BMPR2: variants seen among roughly 807,000 people sequenced by gnomAD.
BMPR2 encodes bone morphogenetic protein receptor type 2, also known as bone morphogenetic protein receptor type-2.
A neutral mutation model predicts 100.8 loss-of-function variants in BMPR2; 29 were observed. The ratio of observed to expected loss-of-function variants is 0.29; its 90% confidence interval spans 0.21 to 0.39. The LOEUF (loss-of-function observed/expected upper bound fraction) is 0.39, where lower values mean the gene tolerates loss of function less well. Ranked by LOEUF, BMPR2 falls within the 10% of genes least tolerant of loss-of-function variation. The pLI is 1.00. For synonymous variants in BMPR2, 382 were observed against 442.3 expected (o/e 0.86, Z 1.71); for missense variants, 1,011 against 1,274.5 (o/e 0.79, Z 3.15).
chr2:202,447,143 T>TA lies in BMPR2; in HGVS notation c.77-17661dup, dbSNP rs577630318. ...CAACATAGTGAAACCCTGTCTCTAT[T>TA]AAAAATACAAAAAAATTAGCTGGAC... On this transcript the variant is annotated intron_variant, in intron 1 of 12. Transcript: ENST00000374580. Among the ~76,000 whole-genome samples the TA allele has an allele frequency of 3.0e-3, 452 of 149,212 alleles. 39 individuals are homozygous for TA. The highest frequency in any genetic ancestry group is 0.011 in the African/African-American group (440 of 39,050).
intron 3 of BMPR2, among the ~76,000 whole-genome samples, chr2:202,491,517 G>T (rs915324534): frequency 2.6e-5 from 4 of 151,718 alleles, no homozygotes; most frequent in Non-Finnish European, 5.9e-5. Context: ...TCCGCCTCCC[G>T]GGTTCAAGCA....
intron 1 of BMPR2, among the ~76,000 whole-genome samples, chr2:202,380,408 C>T (rs917932914): frequency 1.3e-5 from 2 of 152,098 alleles, no homozygotes; most frequent in Non-Finnish European, 1.5e-5. Flanking sequence ...GTGAATATTA[C>T]TGAGTAACTG....
rs1282987905 is a variant in BMPR2 at position 202,559,993 on chromosome 2, A to C, written c.*47A>C. 1.2e-6 allele frequency: 2 copies of C among 1,611,498 alleles called. No homozygotes were observed. The highest frequency in any genetic ancestry group is 1.7e-6 in the Non-Finnish European group (2 of 1,179,378). ...TGAAATTATTTTTTGCATCATTTAA[A>C]CATGCAGAAGATGTTTAAAAATAAA... On this transcript the variant is annotated 3_prime_UTR_variant, in exon 13 of 13. Transcript: ENST00000374580.
chr2:202,445,168 G>A (rs74766638), intron 1 of BMPR2, among the ~76,000 whole-genome samples: 14,953 of 150,358 alleles, frequency 0.099, 1,089 homozygotes, highest in South Asian at 0.25. Flanking sequence ...CTATCCAGAT[G>A]CTTTTTTGTA....
chr2:202,434,847 C>G (rs1403163105), intron 1 of BMPR2, among the ~76,000 whole-genome samples: 1 of 111,954 alleles, frequency 8.9e-6, no homozygotes, highest in African/African-American at 4.0e-5. Flanking sequence ...TGGGCTCAAA[C>G]TCATGCCTGG....
At chr2:202,435,719 A>G (rs1405223878) in intron 1 of BMPR2, among the ~76,000 whole-genome samples, 3 of 150,062 alleles carry the variant, frequency 2.0e-5, no homozygotes, top group African/African-American at 5.1e-5. Context: ...CAGGTATACC[A>G]TATTTTATCT....
chr2:202,512,983 GAAAC>G (rs1687651807), intron 3 of BMPR2, among the ~76,000 whole-genome samples: 1 of 142,392 alleles, frequency 7.0e-6, no homozygotes, highest in Non-Finnish European at 1.5e-5. Context: ...TTTTTTTAAA[GAAAC>G]AGAGTCTCAC....
intron 3 of BMPR2, among the ~76,000 whole-genome samples, chr2:202,509,237 A>G (rs771141432): frequency 2.1e-4 from 32 of 152,096 alleles, no homozygotes; most frequent in Admixed American, 1.0e-3. Context: ...ATTAAGTACC[A>G]TGTATATAGT....
In BMPR2 at chr2:202,535,378, G is replaced by A. The variant is rs1484336073; in HGVS notation, c.1276+2646G>A. 1.4e-3 allele frequency among the ~76,000 whole-genome samples: 218 copies of A among 151,366 alleles called. 1 individual carries two copies. Among genetic ancestry groups the A allele is most frequent in the African/African-American group, 4.9e-3 (201 of 41,250 alleles). The stretch of plus-strand genomic sequence containing the variant: ...TCCTCACTTCTCAGACGGGGCGGCC[G>A]GGCAGAGACGCTCCTCACCTCCCAG... On this transcript the variant is annotated intron_variant, in intron 9 of 12. Transcript: ENST00000374580.
At chr2:202,557,018 A>G (rs1233687278) in intron 12 of BMPR2, among the ~76,000 whole-genome samples, 2 of 150,488 alleles carry the variant, frequency 1.3e-5, no homozygotes, top group Non-Finnish European at 3.0e-5. Context: ...GTGAAACTCC[A>G]TCTCAATAAT....
intron 1 of BMPR2, among the ~76,000 whole-genome samples, chr2:202,392,198 G>C (rs531299032): frequency 6.6e-6 from 1 of 152,010 alleles, no homozygotes; most frequent in Non-Finnish European, 1.5e-5. Flanking sequence ...TGCCTCCCAA[G>C]TAGCTGGGAT....
intron 7 of BMPR2, among the ~76,000 whole-genome samples, chr2:202,526,610 T>A (rs911907508): frequency 6.6e-6 from 1 of 152,256 alleles, no homozygotes; most frequent in African/African-American, 2.4e-5. Flanking sequence ...AATATTATAC[T>A]GCCTTTAAAA....
At position 202,376,943 on chromosome 2, in the gene BMPR2, C is replaced by T; in HGVS notation, c.-532C>T. 1 of 446,416 alleles carries T rather than the reference C, an allele frequency of 2.2e-6. No individual in the cohort carries two copies. The highest frequency in any genetic ancestry group is 3.9e-5 in the Admixed American group (1 of 25,886). 27.7% of individuals were successfully genotyped at this position (446,416 alleles called of 1,614,324 possible). A position where few individuals can be genotyped will look rare whatever the true frequency, so the allele number is the denominator to read the frequency against. ...TTTCGAAATCAGAGTGAAGGAAGCA[C>T]CGAAGCGAAACTTAAGGAATCCTGC... On this transcript the variant is annotated 5_prime_UTR_variant, in exon 1 of 13. Coordinates refer to ENST00000374580, the MANE Select transcript of BMPR2 (RefSeq NM_001204.7).
intron 1 of BMPR2, among the ~76,000 whole-genome samples, chr2:202,379,939 C>T (rs1690240629): frequency 6.6e-6 from 1 of 152,134 alleles, no homozygotes; most frequent in Non-Finnish European, 1.5e-5. Flanking sequence ...CTCACCACAA[C>T]TTCCGCCTCC....
At position 202,542,319 on chromosome 2, in the gene BMPR2, G is replaced by A. The variant is rs146957466; in HGVS notation, c.1285G>A (p.Val429Ile). The change falls in exon 10 of 13, where the codon GTA becomes ATA. Residue 429 changes from valine (V) to isoleucine (I), a missense_variant. This residue lies in a region of BMPR2 where 83 missense variants were observed against 140.7 expected (regional missense o/e 0.59). Coordinates refer to ENST00000374580, the MANE Select transcript of BMPR2 (RefSeq NM_001204.7). ...RCTDLFPGESVPEYQMAFQTE... is the reference protein window; with the variant it reads ...RCTDLFPGESIPEYQMAFQTE... ...TTTCTACAAATCCACAGGGGAATCC[G>A]TACCAGAGTACCAGATGGCTTTTCA... The A allele has an allele frequency of 6.1e-5, 99 of 1,613,740 alleles. No homozygotes were observed. Among genetic ancestry groups the A allele is most frequent in the Admixed American group, 3.8e-4 (23 of 59,984 alleles).
chr2:202,536,085 C>T (rs1026438191), intron 9 of BMPR2, among the ~76,000 whole-genome samples: 3 of 151,758 alleles, frequency 2.0e-5, no homozygotes, highest in Non-Finnish European at 2.9e-5. Flanking sequence ...AGAGGGAGAC[C>T]GTGGGGAGAG....
intron 1 of BMPR2, among the ~76,000 whole-genome samples, chr2:202,408,447 C>T (rs1690947225): frequency 6.6e-6 from 1 of 152,130 alleles, no homozygotes; most frequent in African/African-American, 2.4e-5. Flanking sequence ...TTTTCATTAT[C>T]ACCAGATCTT....
intron 10 of BMPR2, among the ~76,000 whole-genome samples, chr2:202,544,779 T>A (rs1574501275): frequency 1.3e-5 from 2 of 148,444 alleles, no homozygotes; most frequent in African/African-American, 4.9e-5. Context: ...TTTTTTTTTT[T>A]TTTGAGACAG....
intron 1 of BMPR2, among the ~76,000 whole-genome samples, chr2:202,381,023 G>A (rs894960404): frequency 7.8e-6 from 1 of 127,496 alleles, no homozygotes; most frequent in South Asian, 2.4e-4. Context: ...CACCCAGACT[G>A]GAGTGCAGTG....
Sources: allele counts gnomAD v4.1 joint callset (sites outside exome capture counted in the v4.1 genomes callset), GRCh38; gene constraint gnomAD v4.1.1; regional missense constraint gnomAD v4.1.1; transcripts MANE v1.5; gene names NCBI Gene and HGNC (gene_info 2026-07-23, HGNC 2026-07-21).